The following PRSS12 variants were observed in gnomAD, a reference collection of about 807,000 sequenced individuals.
PRSS12 encodes the protein neurotrypsin.
In PRSS12, 85 loss-of-function variants were observed where a neutral mutation model predicts 104.4. The observed-to-expected ratio is 0.81, with a 90% CI of 0.68 to 0.98. The LOEUF (loss-of-function observed/expected upper bound fraction) is 0.98, where lower values mean the gene tolerates loss of function less well. Among genes scored for constraint, PRSS12 ranks in the 50% least tolerant of loss-of-function variants. The pLI is 0.00. For missense variants in PRSS12, 1,141 were observed against 1,139.2 expected (o/e 1.00, Z -0.02); for synonymous variants, 454 against 425.2 (o/e 1.07, Z -0.83).
Position 118,313,336 on chromosome 4 carries a change from C to T in PRSS12, c.1354G>A (p.Asp452Asn), listed in dbSNP as rs984022562. ...EESTGPIWLD[D>N]VSCSGKETRF... ...GTTTCCTTTCCTGAGCAGCTGACGT[C>T]ATCCAACCATATGGGCCCTGTGCTT... The change falls in exon 7 of 13, where the codon GAC becomes AAC. Residue 452 changes from aspartate (D) to asparagine (N), a missense_variant. Transcript: ENST00000296498. 7 of 1,614,150 alleles carry T rather than the reference C, an allele frequency of 4.3e-6. No homozygotes were observed. The highest frequency in any genetic ancestry group is 5.9e-6 in the Non-Finnish European group (7 of 1,180,006).
chr4:118,293,889 T>C (rs1049014635), intron 11 of PRSS12, among the ~76,000 whole-genome samples: 4 of 152,198 alleles, frequency 2.6e-5, no homozygotes, highest in Non-Finnish European at 5.9e-5. Flanking sequence ...ACACACCCAG[T>C]GAGACTTGTA....
rs1214039675 is a variant in PRSS12 at position 118,280,504 on chromosome 4, G to A, written c.*1432C>T. On this transcript the variant is annotated 3_prime_UTR_variant, in exon 13 of 13. Coordinates refer to ENST00000296498, the MANE Select transcript of PRSS12 (RefSeq NM_003619.4). ...TTTGCACCAGTTATTACAGAAATGG[G>A]GATTTGTGAAAAGGATGTAATTTGA... 1 of 152,240 alleles carries A rather than the reference G, an allele frequency of 6.6e-6. No homozygotes were observed. The highest frequency in any genetic ancestry group is 2.4e-5 in the African/African-American group (1 of 41,472). 9.4% of individuals were successfully genotyped at this position (152,240 alleles called of 1,614,324 possible).
At chr4:118,328,407 G>A (rs374900589) in intron 4 of PRSS12, among the ~76,000 whole-genome samples, 26 of 152,286 alleles carry the variant, frequency 1.7e-4, no homozygotes, top group Admixed American at 1.2e-3. Context: ...TGAGAAAGGC[G>A]TTAATACTTT....
chr4:118,318,378 C>G lies in PRSS12; in HGVS notation c.1150G>C (p.Asp384His), dbSNP rs576543552. Residue 384 changes from aspartate (D) to histidine (H), a missense_variant and splice_region_variant, in exon 5 of 13, where the codon GAT becomes CAT. Coordinates refer to ENST00000296498, the MANE Select transcript of PRSS12 (RefSeq NM_003619.4). ...DAGVSCTPLT[D>H]GVIRLAGGKG... ...TACACTAATGGAGTGAAATCCTTAC[C>G]TGTTAGAGGGGTACAGGACACTCCA... 3 of 1,613,810 alleles carry G rather than the reference C, an allele frequency of 1.9e-6. No homozygotes were observed. Among genetic ancestry groups the G allele is most frequent in the African/African-American group, 2.7e-5 (2 of 75,020 alleles).
chr4:118,305,904 T>A (rs540049954), intron 8 of PRSS12: 2 of 152,332 alleles, frequency 1.3e-5, no homozygotes, highest in African/African-American at 4.8e-5. Flanking sequence ...TCATGTAGTA[T>A]TTGTCTTTCA....
intron 10 of PRSS12, 26 bp from the exon 11 acceptor site, chr4:118,295,087 A>T (rs1291066740): frequency 6.2e-7 from 1 of 1,612,748 alleles, no homozygotes; most frequent in Admixed American, 1.7e-5. Flanking sequence ...GCTACACATC[A>T]ACGTCAGTAA....
At chr4:118,332,428 C>T (rs1013480497) in intron 3 of PRSS12, among the ~76,000 whole-genome samples, 2 of 152,262 alleles carry the variant, frequency 1.3e-5, no homozygotes, top group Non-Finnish European at 1.5e-5. Context: ...AGCTCATATC[C>T]GTTTTCGCTG....
At chr4:118,352,130 A>T in intron 1 of PRSS12, 89 bp downstream of exon 1, 2 of 1,554,032 alleles carry the variant, frequency 1.3e-6, no homozygotes, top group South Asian at 2.4e-5. Context: ...ACACCCCGTC[A>T]CTTTTTCCAA....
chr4:118,327,993 T>C (rs1378683085), intron 4 of PRSS12, among the ~76,000 whole-genome samples: 3 of 152,210 alleles, frequency 2.0e-5, no homozygotes, highest in Middle Eastern at 3.2e-3. Context: ...GTAGTTTCCC[T>C]GTGGGAATTC....
intron 8 of PRSS12, among the ~76,000 whole-genome samples, chr4:118,302,023 A>T (rs1743416474): frequency 6.6e-6 from 1 of 152,198 alleles, no homozygotes; most frequent in African/African-American, 2.4e-5. Context: ...TTGTGATATA[A>T]AATTAAAGCA....
chr4:118,329,595 T>C (rs1578930669), intron 4 of PRSS12, among the ~76,000 whole-genome samples: 1 of 152,328 alleles, frequency 6.6e-6, no homozygotes, highest in East Asian at 1.9e-4. Context: ...GAATAGTGTT[T>C]GGTGCTCTGT....
intron 10 of PRSS12, among the ~76,000 whole-genome samples, 188 bp downstream of exon 10, chr4:118,295,590 A>G (rs1255815487): frequency 6.6e-6 from 1 of 152,242 alleles, no homozygotes; most frequent in African/African-American, 2.4e-5. Context: ...TCAGGCTGGT[A>G]TAAGAACATG....
chr4:118,299,968 G>A (rs1428548166), intron 8 of PRSS12, among the ~76,000 whole-genome samples: 2 of 148,094 alleles, frequency 1.4e-5, no homozygotes, highest in Admixed American at 6.7e-5. Context: ...GTGACAAGGC[G>A]AGACTCCATC....
intron 7 of PRSS12, among the ~76,000 whole-genome samples, chr4:118,312,397 CAGAT>C (rs1392227616): frequency 1.3e-5 from 2 of 151,970 alleles, no homozygotes; most frequent in Non-Finnish European, 2.9e-5. Context: ...CACATACACA[CAGAT>C]AGATATATAA....
At chr4:118,331,523 C>T (rs183259014) in intron 4 of PRSS12, among the ~76,000 whole-genome samples, 193 bp downstream of exon 4, 18 of 152,278 alleles carry the variant, frequency 1.2e-4, no homozygotes, top group African/African-American at 4.1e-4. Flanking sequence ...CTAATTCAGA[C>T]ACAAGCAGGT....
At chr4:118,298,615 G>T in intron 9 of PRSS12, 118 bp downstream of exon 9, 3 of 1,081,898 alleles carry the variant, frequency 2.8e-6, no homozygotes, top group South Asian at 1.3e-5. Flanking sequence ...AATAGCACAA[G>T]ACATGGATCT....
intron 8 of PRSS12, among the ~76,000 whole-genome samples, chr4:118,305,567 C>T (rs1464852629): frequency 6.6e-6 from 1 of 152,002 alleles, no homozygotes; most frequent in Non-Finnish European, 1.5e-5. Flanking sequence ...CTAAATATAT[C>T]CATCACCTCC....
At chr4:118,313,420 G>A (rs1477079442) in intron 6 of PRSS12, 23 bp from the exon 7 acceptor site, 4 of 1,610,668 alleles carry the variant, frequency 2.5e-6, no homozygotes, top group Admixed American at 3.3e-5. Context: ...AATAAACACT[G>A]TGTATAGAAC....
chr4:118,346,417 A>G (rs1323433777), intron 1 of PRSS12, among the ~76,000 whole-genome samples: 1 of 150,794 alleles, frequency 6.6e-6, no homozygotes, highest in Non-Finnish European at 1.5e-5. Context: ...TAAATTTCAT[A>G]CCCTTCTTTC....
Sources: gnomAD v4.1 joint callset for allele counts (sites outside exome capture counted in the v4.1 genomes callset) on GRCh38, gnomAD v4.1.1 for gene constraint, MANE v1.5 for transcripts, NCBI Gene and HGNC (gene_info 2026-07-23, HGNC 2026-07-21) for gene names.